The following COBL variants were observed in gnomAD, a reference collection of about 807,000 sequenced individuals.
COBL encodes the protein protein cordon-bleu.
In COBL, 51 loss-of-function variants were observed where a neutral mutation model predicts 98.8. That is an observed-to-expected ratio of 0.52 (90% CI 0.41 to 0.65). The LOEUF (loss-of-function observed/expected upper bound fraction) is 0.65, where lower values mean the gene tolerates loss of function less well. Ranked by LOEUF, COBL falls within the 30% of genes least tolerant of loss-of-function variation. The pLI, the probability that COBL is intolerant of heterozygous loss-of-function variation, is 0.00. For missense variants in COBL, 1,617 were observed against 1,617.5 expected, an observed-to-expected ratio of 1.00 and a Z score of 0.01; for synonymous variants, 634 against 651.7, an observed-to-expected ratio of 0.97 and a Z score of 0.41.
chr7:51,252,275 T>A (rs560190141), intron 1 of COBL, among the ~76,000 whole-genome samples: 1 of 152,234 alleles, frequency 6.6e-6, no homozygotes, highest in South Asian at 2.1e-4. Flanking sequence ...ATGTTTTTCA[T>A]ATATTCACTG....
At chr7:51,070,096 T>C (rs984512000) in intron 7 of COBL, among the ~76,000 whole-genome samples, 1 of 152,110 alleles carries the variant, frequency 6.6e-6, no homozygotes, top group African/African-American at 2.4e-5. Flanking sequence ...CCTTTAAGGG[T>C]AAAATCAACA....
chr7:51,214,209 T>G (rs1208514839), intron 2 of COBL, among the ~76,000 whole-genome samples: 1 of 151,700 alleles, frequency 6.6e-6, no homozygotes, highest in Non-Finnish European at 1.5e-5. Flanking sequence ...GAGGTTGCAG[T>G]GAGCCGAGAT....
At position 51,299,921 on chromosome 7, in the gene COBL, T is replaced by A. The variant is rs143063413; in HGVS notation, c.41+16672A>T. ...ATATCGCAACAACATTAAGCTGCTA[T>A]GAAAGTCTGCAGATGCTCACTCCTA... On this transcript the variant is annotated intron_variant, in intron 1 of 12. Transcript: ENST00000265136. Among the ~76,000 whole-genome samples, 164 of 152,294 alleles carry A rather than the reference T, an allele frequency of 1.1e-3. 2 individuals carry two copies. The highest frequency in any genetic ancestry group is 4.6e-3 in the Admixed American group (71 of 15,294).
chr7:51,141,518 C>T (rs1430794820), intron 5 of COBL, among the ~76,000 whole-genome samples: 2 of 152,178 alleles, frequency 1.3e-5, no homozygotes, highest in Non-Finnish European at 2.9e-5. Context: ...CTCAGGATGG[C>T]TCAGCTCCCT....
intron 5 of COBL, among the ~76,000 whole-genome samples, chr7:51,145,870 C>T (rs144146172): frequency 6.6e-6 from 1 of 152,284 alleles, no homozygotes; most frequent in East Asian, 1.9e-4. Flanking sequence ...TTTTGAACTG[C>T]ACTTCCCCCA....
At chr7:51,130,995 T>C (rs1798684767) in intron 6 of COBL, among the ~76,000 whole-genome samples, 1 of 152,232 alleles carries the variant, frequency 6.6e-6, no homozygotes, top group Non-Finnish European at 1.5e-5. Flanking sequence ...AGTTATTCAA[T>C]ATTCATTGAA....
chr7:51,148,004 C>T (rs1444533775), intron 5 of COBL, among the ~76,000 whole-genome samples: 4 of 152,034 alleles, frequency 2.6e-5, no homozygotes, highest in South Asian at 2.1e-4. Flanking sequence ...TCTCGTGATC[C>T]GCCCACCTTG....
At chr7:51,252,805 A>G (rs1796848583) in intron 1 of COBL, among the ~76,000 whole-genome samples, 3 of 152,198 alleles carry the variant, frequency 2.0e-5, no homozygotes, top group Non-Finnish European at 4.4e-5. Context: ...TATAAGTAGT[A>G]ATCTGTGAGA....
intron 4 of COBL, chr7:51,187,874 A>T: frequency 8.2e-7 from 1 of 1,225,018 alleles, no homozygotes; most frequent in Non-Finnish European, 1.0e-6. Context: ...TGCATAGTGC[A>T]GCCTCACAGC....
intron 1 of COBL, among the ~76,000 whole-genome samples, chr7:51,226,375 T>C (rs1393714789): frequency 6.6e-6 from 1 of 152,324 alleles, no homozygotes; most frequent in South Asian, 2.1e-4. Flanking sequence ...AAGCGGTACA[T>C]AAGCTGCGTC....
At position 51,299,230 on chromosome 7, in the gene COBL, T is replaced by C. The variant is rs553422430; in HGVS notation, c.41+17363A>G. ...TGGACATCCTTAAGACACTAACGAA[T>C]GCGTGAGCCAGCAACAGTCACACAC... On this transcript the variant is annotated intron_variant, in intron 1 of 12. Coordinates refer to ENST00000265136, the MANE Select transcript of COBL (RefSeq NM_015198.5). Among the ~76,000 whole-genome samples, 27 of 152,246 alleles carry C rather than the reference T, an allele frequency of 1.8e-4. No individual in the cohort carries two copies. The South Asian group carries it at 1.9e-3, about 11-fold the overall frequency.
chr7:51,026,625 G>A lies in COBL; in HGVS notation c.3425C>T (p.Ser1142Phe), dbSNP rs1787596978. Residue 1142 changes from serine to phenylalanine, a missense_variant, in exon 11 of 13, where the codon TCC becomes TTC. Around this residue, in one of 3 missense-constraint regions of COBL, gnomAD observed 1,304 missense variants for 1,282.0 expected, o/e 1.02. Coordinates refer to ENST00000265136, the MANE Select transcript of COBL (RefSeq NM_015198.5). ...TCGTTCGCCCTCTGCCTCCGTGTAG[G>A]ACAGTTTCGCTGGCCTGCCCTCCCC... The part of the protein sequence containing the change: ...HTGEGRPAKL[S>F]YTEAEGERSA... 2.5e-6 allele frequency: 4 copies of A among 1,614,122 alleles called. No individual in the cohort carries two copies. The East Asian group carries it at 8.9e-5, about 36-fold the overall frequency.
intron 7 of COBL, among the ~76,000 whole-genome samples, chr7:51,058,362 A>G (rs183146580): frequency 6.6e-6 from 1 of 152,300 alleles, no homozygotes; most frequent in East Asian, 1.9e-4. Flanking sequence ...AGCCTCAGCA[A>G]CAAAGCGAGA....
At chr7:51,312,269 T>C (rs912319447) in intron 1 of COBL, among the ~76,000 whole-genome samples, 15 of 152,082 alleles carry the variant, frequency 9.9e-5, no homozygotes, top group Non-Finnish European at 2.9e-5. Context: ...AAGTGGAGGT[T>C]GCAGTGAGCT....
At chr7:51,093,555 A>C (rs1478279488) in intron 6 of COBL, among the ~76,000 whole-genome samples, 5 of 152,212 alleles carry the variant, frequency 3.3e-5, no homozygotes, top group Non-Finnish European at 5.9e-5. Context: ...TTCTATGTTC[A>C]TTTCAACATT....
chr7:51,162,001 G>T (rs1259243544), intron 5 of COBL, among the ~76,000 whole-genome samples: 1 of 152,100 alleles, frequency 6.6e-6, no homozygotes, highest in African/African-American at 2.4e-5. Context: ...CAGGTACCTT[G>T]TCTCATCCGT....
Position 51,036,336 on chromosome 7 carries a change from CAAAAAAAAAAAAAAAA to C in COBL, c.1407-5443_1407-5428del, listed in dbSNP as rs59610375. ...TGGGTGACAGAGTGAGACTCCGTCT[CAAAAAAAAAAAAAAAA>C]AAAAAAAAAAAAAAGCATAGTATTT... is the stretch of plus-strand genomic sequence containing the variant. On this transcript the variant is annotated intron_variant, in intron 8 of 12. Coordinates refer to ENST00000265136, the MANE Select transcript of COBL (RefSeq NM_015198.5). 3.2e-3 allele frequency among the ~76,000 whole-genome samples: 297 copies of C among 94,202 alleles called. 3 individuals carry two copies. The highest frequency in any genetic ancestry group is 0.012 in the African/African-American group (283 of 22,956). The allele number at this position is 94,202 out of a possible 152,430, so 61.8% of individuals were successfully genotyped here.
At chr7:51,070,285 G>A (rs745386247) in intron 7 of COBL, among the ~76,000 whole-genome samples, 18 of 152,032 alleles carry the variant, frequency 1.2e-4, no homozygotes, top group Admixed American at 2.6e-4. Flanking sequence ...TGAAGTGTTT[G>A]AAGTTTGCTT....
In COBL at chr7:51,263,245, C is replaced by G. The variant is rs887741991; in HGVS notation, c.42-43301G>C. On this transcript the variant is annotated intron_variant, in intron 1 of 12. Coordinates refer to ENST00000265136, the MANE Select transcript of COBL (RefSeq NM_015198.5). Reference sequence around the variant, plus strand: ...GAAAGGTGCAAGAGACACCCTCCAGCCCTAGGCTCCTATGAGCAAGAGCAC... The same window carrying G: ...GAAAGGTGCAAGAGACACCCTCCAGGCCTAGGCTCCTATGAGCAAGAGCAC... Among the ~76,000 whole-genome samples, 238 of 152,294 alleles carry G rather than the reference C, an allele frequency of 1.6e-3. 7 individuals are homozygous for G. Among genetic ancestry groups the G allele is most frequent in the Admixed American group, 0.015 (231 of 15,304 alleles).
Sources: allele counts gnomAD v4.1 joint callset (sites outside exome capture counted in the v4.1 genomes callset), GRCh38; gene constraint gnomAD v4.1.1; regional missense constraint gnomAD v4.1.1; transcripts MANE v1.5; gene names NCBI Gene and HGNC (gene_info 2026-07-23, HGNC 2026-07-21).